The following NACC1 variants were observed in gnomAD, a reference collection of about 807,000 sequenced individuals.
The protein encoded by NACC1 is nucleus accumbens associated 1.
A neutral mutation model predicts 41.7 loss-of-function variants in NACC1; 6 were observed. The ratio of observed to expected loss-of-function variants is 0.14; its 90% CI spans 0.08 to 0.28. NACC1 has a LOEUF of 0.28. NACC1 is among the 10% of genes least tolerant of loss of function. NACC1 has a pLI of 1.00. For synonymous variants in NACC1, 338 were observed against 330.6 expected (o/e 1.02, Z -0.24); for missense variants, 434 against 763.7 (o/e 0.57, Z 5.09).
Position 13,122,860 on chromosome 19 carries a change from G to A in NACC1, c.-9+4406G>A, listed in dbSNP as rs746344228. 8.5e-5 allele frequency among the ~76,000 whole-genome samples: 13 copies of A among 152,164 alleles called. No homozygotes were observed. The East Asian group carries it at 9.6e-4, about 11-fold the overall frequency. ...GGCCCAGCACGGGGCCAGGGGATAC[G>A]ACTAACAGCAGCTGGCATTCATGAG... On this transcript the variant is annotated intron_variant, in intron 1 of 5. Coordinates refer to ENST00000292431, the MANE Select transcript of NACC1 (RefSeq NM_052876.4).
chr19:13,127,966 C>T (rs1306680923), intron 1 of NACC1, among the ~76,000 whole-genome samples: 1 of 152,142 alleles, frequency 6.6e-6, no homozygotes, highest in African/African-American at 2.4e-5. Flanking sequence ...CCAGGGGCCC[C>T]AATAAAGCAT....
chr19:13,119,572 A>C (rs1328798187), intron 1 of NACC1, among the ~76,000 whole-genome samples: 2 of 152,126 alleles, frequency 1.3e-5, no homozygotes, highest in Non-Finnish European at 2.9e-5. Flanking sequence ...ACCTCACAGC[A>C]ACCATCGTAT....
intron 1 of NACC1, among the ~76,000 whole-genome samples, chr19:13,119,144 G>A (rs188420481): frequency 6.6e-6 from 1 of 151,456 alleles, no homozygotes; most frequent in East Asian, 1.9e-4. Context: ...TGGGAGTCGA[G>A]AGAGCAGAGC....
chr19:13,124,045 T>C (rs2019532007), intron 1 of NACC1, among the ~76,000 whole-genome samples: 1 of 152,136 alleles, frequency 6.6e-6, no homozygotes, highest in Non-Finnish European at 1.5e-5. Flanking sequence ...TATTCCACCA[T>C]GGATTTAACA....
chr19:13,117,535 C>T (rs1351364696), upstream of NACC1: 1 of 151,572 alleles, frequency 6.6e-6, no homozygotes, highest in South Asian at 2.1e-4. Context: ...TTCTTCATTT[C>T]TCTGTGCCTC....
At chr19:13,122,538 G>T (rs1325750882) in intron 1 of NACC1, among the ~76,000 whole-genome samples, 1 of 99,598 alleles carries the variant, frequency 1.0e-5, no homozygotes, top group East Asian at 2.3e-4. Flanking sequence ...GGGGGGGGGT[G>T]TGCTGCTGGC....
At position 13,137,020 on chromosome 19, in the gene NACC1, G is replaced by C. The variant is rs1436513743; in HGVS notation, c.1121-251G>C. Among the ~76,000 whole-genome samples the C allele has an allele frequency of 6.6e-6, 1 of 152,210 alleles. No individual in the cohort carries two copies. Among genetic ancestry groups the C allele is most frequent in the Non-Finnish European group, 1.5e-5 (1 of 68,022 alleles). On this transcript the variant is annotated intron_variant, in intron 3 of 5. Transcript: ENST00000292431. This position sits in a 1 kb window ranked among gnomAD's most constrained non-coding sequence, Gnocchi z 6.1. Reference sequence around the variant, plus strand: ...TGCGGCACGACTGGCCACACAGCAGGCACCCCGAGGATGGTGAAGCAACCC... The same window carrying C: ...TGCGGCACGACTGGCCACACAGCAGCCACCCCGAGGATGGTGAAGCAACCC...
chr19:13,134,537 A>G (rs922665016), intron 1 of NACC1, among the ~76,000 whole-genome samples: 2 of 151,688 alleles, frequency 1.3e-5, no homozygotes, highest in African/African-American at 4.8e-5. Flanking sequence ...TACCTGGCTA[A>G]TTTTTGTATT....
chr19:13,125,921 G>C (rs2145614740), intron 1 of NACC1, among the ~76,000 whole-genome samples: 2 of 151,762 alleles, frequency 1.3e-5, no homozygotes, highest in Non-Finnish European at 2.9e-5. Context: ...ATTTTTAGTA[G>C]AGATGGGGTT....
At chr19:13,132,812 A>G (rs1263668016) in intron 1 of NACC1, among the ~76,000 whole-genome samples, 2 of 152,204 alleles carry the variant, frequency 1.3e-5, no homozygotes, top group Admixed American at 6.5e-5. Context: ...CAATAAGTGT[A>G]GGTTGAGTTT....
At position 13,138,112 on chromosome 19, in the gene NACC1, C is replaced by T. The variant is rs1276041425; in HGVS notation, c.1325-35C>T. 4 of 1,604,688 alleles carry T rather than the reference C, an allele frequency of 2.5e-6. No homozygotes were observed. The South Asian group carries it at 3.3e-5, about 13-fold the overall frequency. The stretch of plus-strand genomic sequence containing the variant: ...GTAGGCCTTGTGGGAGTCACCTGGC[C>T]CCCGTGCCAAGGCCGCACCCACCCT... On this transcript the variant is annotated intron_variant, in intron 5 of 5. Transcript: ENST00000292431. The surrounding 1 kb of genome is among the most constrained non-coding windows in gnomAD (Gnocchi z 5.7).
Position 13,135,861 on chromosome 19 carries a change from G to A in NACC1, c.654G>A (p.Gln218=), listed in dbSNP as rs372056630. 4.5e-6 allele frequency: 7 copies of A among 1,553,022 alleles called. No individual in the cohort carries two copies. In the African/African-American group the frequency reaches 5.4e-5, roughly 12 times the overall value. Residue 218 remains glutamine, a synonymous_variant, in exon 2 of 6, where the codon CAG becomes CAA. Coordinates refer to ENST00000292431, the MANE Select transcript of NACC1 (RefSeq NM_052876.4). ...ACCTGGCTGCCAACCGGCCTCACCA[G>A]CCCCCGCCACCCCAACAGGCTCCGG... ...TPDLAANRPH[Q]PPPPQQAPVV...
chr19:13,118,733 G>A (rs2019444437), intron 1 of NACC1, among the ~76,000 whole-genome samples: 1 of 151,296 alleles, frequency 6.6e-6, no homozygotes, highest in Admixed American at 6.6e-5. Context: ...CAGGTACCGG[G>A]GATCCGGGGA....
chr19:13,117,452 G>A (rs1568378972), upstream of NACC1: 1 of 152,118 alleles, frequency 6.6e-6, no homozygotes, highest in Non-Finnish European at 1.5e-5. Context: ...AGGTCTTATT[G>A]TCGCTTTTGA....
intron 1 of NACC1, among the ~76,000 whole-genome samples, chr19:13,127,333 C>CAAAA (rs59958429): frequency 7.5e-5 from 3 of 40,126 alleles, no homozygotes; most frequent in Non-Finnish European, 1.2e-4. Flanking sequence ...ACGTCTCTAC[C>CAAAA]AAAAAAAAAA....
intron 1 of NACC1, among the ~76,000 whole-genome samples, chr19:13,134,049 G>GTTATTTAT (rs748022109): frequency 6.6e-6 from 1 of 152,022 alleles, no homozygotes; most frequent in African/African-American, 2.4e-5. Context: ...TTTCATGTAA[G>GTTATTTAT]TTATTTATTT....
intron 1 of NACC1, among the ~76,000 whole-genome samples, chr19:13,122,904 C>T (rs937579333): frequency 1.3e-5 from 2 of 150,420 alleles, no homozygotes; most frequent in African/African-American, 2.5e-5. Context: ...ACGGGGCGAG[C>T]GCCGATCGGC....
chr19:13,127,370 A>ATTTTTTTTTTTT (rs1491187460), intron 1 of NACC1, among the ~76,000 whole-genome samples: 3 of 44,818 alleles, frequency 6.7e-5, no homozygotes, highest in African/African-American at 2.3e-4. Context: ...ATATACATAT[A>ATTTTTTTTTTTT]CTTTTTTTTT....
At chr19:13,132,837 ACCT>A (rs1363595229) in intron 1 of NACC1, among the ~76,000 whole-genome samples, 1 of 152,028 alleles carries the variant, frequency 6.6e-6, no homozygotes, top group Non-Finnish European at 1.5e-5. Context: ...AATCAGGTTG[ACCT>A]CCTCAGCCTC....
Sources: gnomAD v4.1 joint callset for allele counts (sites outside exome capture counted in the v4.1 genomes callset) on GRCh38, gnomAD v4.1.1 for gene constraint, Gnocchi (gnomAD v3.1) non-coding constraint, MANE v1.5 for transcripts, NCBI Gene and HGNC (gene_info 2026-07-23, HGNC 2026-07-21) for gene names.